The following KAZN variants were observed in gnomAD, a reference collection of about 807,000 sequenced individuals.
KAZN encodes kazrin, periplakin interacting protein, also known as kazrin.
Under a neutral mutation model 87.4 loss-of-function variants are expected in KAZN, and 40 were observed. The ratio of observed to expected loss-of-function variants is 0.46; its 90% CI spans 0.36 to 0.60. The LOEUF is 0.60. KAZN is among the 20% of genes least tolerant of loss of function. The pLI is 0.00. For synonymous variants in KAZN, 466 were observed against 458.3 expected, an observed-to-expected ratio of 1.02 and a Z score of -0.22; for missense variants, 898 against 1,073.9, an observed-to-expected ratio of 0.84 and a Z score of 2.29.
chr1:13,909,457 G>C (rs905748658), intron 1 of KAZN, among the ~76,000 whole-genome samples: 6 of 152,088 alleles, frequency 3.9e-5, no homozygotes, highest in Non-Finnish European at 7.4e-5. Context: ...ATTGGAAGGT[G>C]GGGGAGGTTG....
chr1:14,429,048 G>T (rs1184196283), intron 2 of KAZN, among the ~76,000 whole-genome samples: 2 of 151,974 alleles, frequency 1.3e-5, no homozygotes, highest in African/African-American at 4.8e-5. Context: ...TAAATATCTA[G>T]GTCCTTATTG....
rs1669113700 is a variant in KAZN, at chr1:15,007,184, G to A, written c.419-27565G>A. 3.3e-5 allele frequency among the ~76,000 whole-genome samples: 5 copies of A among 152,068 alleles called. No homozygotes were observed. In the South Asian group the frequency reaches 1.0e-3, roughly 32 times the overall value. ...GGGGCCAAGCCCCTGCTGGGAACTGGACAGACACTCATGTAACCTTTGGCA... is the reference window on the plus strand; with the variant it reads ...GGGGCCAAGCCCCTGCTGGGAACTGAACAGACACTCATGTAACCTTTGGCA... On this transcript the variant is annotated intron_variant, in intron 2 of 14. Transcript: ENST00000376030.
At chr1:15,051,799 T>C (rs1573194880) in intron 4 of KAZN, among the ~76,000 whole-genome samples, 3 of 152,212 alleles carry the variant, frequency 2.0e-5, no homozygotes, top group African/African-American at 7.2e-5. Flanking sequence ...TACATAAACA[T>C]GGTCCCTCTT....
chr1:14,331,851 G>A lies in KAZN; in HGVS notation c.249+151259G>A, dbSNP rs536407144. 1.4e-4 allele frequency among the ~76,000 whole-genome samples: 21 copies of A among 151,970 alleles called. No individual in the cohort carries two copies. In the East Asian group the frequency reaches 1.7e-3, roughly 13 times the overall value. On this transcript the variant is annotated intron_variant, in intron 2 of 16. Coordinates refer to the KAZN transcript ENST00000636203. ...TATATTTTATTGCATTTGTATGCAC[G>A]CTTTAAATGCCTATTTTTAAATGTT...
chr1:14,093,270 T>C (rs897862330), intron 1 of KAZN, among the ~76,000 whole-genome samples: 5 of 152,220 alleles, frequency 3.3e-5, no homozygotes, highest in African/African-American at 1.2e-4. Context: ...AAAAGCTTCA[T>C]AGCTCCTTAG....
At chr1:14,236,214 A>C (rs969676411) in intron 2 of KAZN, among the ~76,000 whole-genome samples, 1 of 152,194 alleles carries the variant, frequency 6.6e-6, no homozygotes, top group African/African-American at 2.4e-5. Flanking sequence ...TTTAGGCTCC[A>C]GCTCCTGCCT....
chr1:14,835,854 A>G (rs3845593), intron 1 of KAZN, among the ~76,000 whole-genome samples: 23,232 of 139,080 alleles, frequency 0.17, 2,363 homozygotes, highest in African/African-American at 0.31. Context: ...CCTCCTTGAC[A>G]TTGAGGTTTG....
At chr1:14,943,268 C>T (rs1661359077) in intron 1 of KAZN, among the ~76,000 whole-genome samples, 1 of 151,766 alleles carries the variant, frequency 6.6e-6, no homozygotes, top group African/African-American at 2.4e-5. Flanking sequence ...TTTTTCAGTC[C>T]AGAAACCAGA....
In KAZN at chr1:15,104,198, G is replaced by A. The variant is rs1245533299; in HGVS notation, c.2048+9G>A. 9 of 1,565,524 alleles carry A rather than the reference G, an allele frequency of 5.7e-6. No individual in the cohort carries two copies. Among genetic ancestry groups the A allele is most frequent in the East Asian group, 2.4e-5 (1 of 41,846 alleles). Reference sequence around the variant, plus strand: ...GTCTTCCACCCAGCCAAGTGAGCACGGGCTGGGATCCAGTCATGTGGGCTG... The same window carrying A: ...GTCTTCCACCCAGCCAAGTGAGCACAGGCTGGGATCCAGTCATGTGGGCTG... On this transcript the variant is annotated intron_variant, in intron 13 of 14. Coordinates refer to ENST00000376030, the MANE Select transcript of KAZN (RefSeq NM_201628.3).
At chr1:14,124,670 G>C (rs1405577564) in intron 1 of KAZN, among the ~76,000 whole-genome samples, 4 of 149,852 alleles carry the variant, frequency 2.7e-5, no homozygotes, top group Admixed American at 2.6e-4. Flanking sequence ...GCCTCTCTCA[G>C]TTCCTGAAGT....
At chr1:14,814,786 G>A (rs1329564604) in intron 1 of KAZN, among the ~76,000 whole-genome samples, 6 of 152,194 alleles carry the variant, frequency 3.9e-5, no homozygotes, top group South Asian at 2.1e-4. Context: ...ATTTGTGACC[G>A]TGGGAAGTTG....
intron 2 of KAZN, among the ~76,000 whole-genome samples, chr1:14,590,682 G>A (rs901514971): frequency 1.3e-5 from 2 of 152,102 alleles, no homozygotes; most frequent in African/African-American, 4.8e-5. Context: ...AACTATTACA[G>A]CCACGGTCTT....
intron 1 of KAZN, among the ~76,000 whole-genome samples, chr1:14,665,048 A>G (rs1375901363): frequency 6.6e-6 from 1 of 152,184 alleles, no homozygotes; most frequent in East Asian, 1.9e-4. Context: ...CTGCCCAGGC[A>G]TGGGACTGGT....
chr1:14,422,434 G>A (rs1025125408), intron 2 of KAZN, among the ~76,000 whole-genome samples: 1 of 152,178 alleles, frequency 6.6e-6, no homozygotes, highest in African/African-American at 2.4e-5. Context: ...AAAACGCTAC[G>A]CAGCGCATAA....
At chr1:14,911,318 A>G (rs946547670) in intron 1 of KAZN, among the ~76,000 whole-genome samples, 1 of 152,196 alleles carries the variant, frequency 6.6e-6, no homozygotes, top group Non-Finnish European at 1.5e-5. Context: ...AGGATGATGA[A>G]AGAGAAGTGA....
chr1:14,718,594 T>C (rs1027477142), intron 1 of KAZN, among the ~76,000 whole-genome samples: 1 of 152,216 alleles, frequency 6.6e-6, no homozygotes, highest in Non-Finnish European at 1.5e-5. Flanking sequence ...TTGCTTTTGG[T>C]GCAGCCGCTA....
chr1:14,105,735 G>A (rs1476252198), intron 1 of KAZN, among the ~76,000 whole-genome samples: 1 of 152,106 alleles, frequency 6.6e-6, no homozygotes, highest in African/African-American at 2.4e-5. Flanking sequence ...TCAAAGGATC[G>A]CCATGAAGAT....
At chr1:14,278,170 C>CAAAA (rs34057998) in intron 2 of KAZN, among the ~76,000 whole-genome samples, 14 of 55,884 alleles carry the variant, frequency 2.5e-4, no homozygotes, top group East Asian at 6.6e-4. Flanking sequence ...AACTCTGTCT[C>CAAAA]AAAAAAAAAA....
In KAZN at chr1:14,359,112, T is replaced by C. The variant is rs560287610; in HGVS notation, c.249+178520T>C. Among the ~76,000 whole-genome samples, 7 of 152,328 alleles carry C rather than the reference T, an allele frequency of 4.6e-5. No homozygotes were observed. The South Asian group carries it at 1.4e-3, about 32-fold the overall frequency. On this transcript the variant is annotated intron_variant, in intron 2 of 16. Transcript: ENST00000636203. ...TTTATGAATCTGGGTGCTCCTGTAT[T>C]GGGTGCATATATATTTAGGATAGTT...
Sources: gnomAD v4.1 joint callset for allele counts (sites outside exome capture counted in the v4.1 genomes callset) on GRCh38, gnomAD v4.1.1 for gene constraint, MANE v1.5 for transcripts, NCBI Gene and HGNC (gene_info 2026-07-23, HGNC 2026-07-21) for gene names.